Variants in CAPN12 observed in about 807,000 individuals in gnomAD.
The protein encoded by CAPN12 is calpain-12.
CAPN12 carries 107 observed loss-of-function variants against 95.0 expected under a neutral mutation model. The ratio of observed to expected loss-of-function variants is 1.13; its 90% CI spans 0.96 to 1.32. The LOEUF is 1.32. Ranked by LOEUF, CAPN12 falls within the 40% of genes most tolerant of loss-of-function variation. CAPN12 has a pLI of 0.00. For synonymous variants in CAPN12, 505 were observed against 415.5 expected, an observed-to-expected ratio of 1.22 and a Z score of -2.62; for missense variants, 1,136 against 997.8, an observed-to-expected ratio of 1.14 and a Z score of -1.87.
rs368072860 is a variant in CAPN12, at chr19:38,731,095, G to C, written c.2074+12C>G. ...TTCCCCCCATGCCCCACCATGCCGGGGTGGTACTCACAGAAGATGCAGGTG... is the reference window on the plus strand; with the variant it reads ...TTCCCCCCATGCCCCACCATGCCGGCGTGGTACTCACAGAAGATGCAGGTG... On this transcript the variant is annotated intron_variant, in intron 19 of 20. Coordinates refer to ENST00000328867, the MANE Select transcript of CAPN12 (RefSeq NM_144691.4). The C allele has an allele frequency of 6.2e-7, 1 of 1,606,524 alleles. No individual in the cohort carries two copies. Among genetic ancestry groups the C allele is most frequent in the Middle Eastern group, 1.7e-4 (1 of 5,920 alleles).
chr19:38,743,521 C>T lies in CAPN12; in HGVS notation c.237+408G>A. ...GACCCAAGAATCCAGGTCCCCAGCC[C>T]CTCCTCCCTCAGACCCAGGAGTCCA... is the stretch of plus-strand genomic sequence containing the variant. On this transcript the variant is annotated intron_variant, in intron 1 of 20. Coordinates refer to ENST00000328867, the MANE Select transcript of CAPN12 (RefSeq NM_144691.4). 1.4e-4 allele frequency among the ~76,000 whole-genome samples: 18 copies of T among 127,384 alleles called. 1 individual carries two copies. The highest frequency in any genetic ancestry group is 5.4e-4 in the South Asian group (2 of 3,710). The allele number at this position is 127,384 out of a possible 152,430, so 83.6% of individuals were successfully genotyped here. A position where few individuals can be genotyped will look rare whatever the true frequency, so the allele number is the denominator to read the frequency against.
In CAPN12 at chr19:38,735,403, C is replaced by A. The variant is rs1207634425; in HGVS notation, c.1653G>T (p.Gly551=). ...CCAGCTCCTGAAACAGCTGCTCCAA[C>A]CCCAGCTCCAGGGGCAGGTAGGGGC... The part of the protein sequence containing the change: ...LQGPYLPLEL[G]LEQLFQELAG... The change falls in exon 14 of 21, where the codon GGG becomes GGT. Residue 551 remains glycine, a synonymous_variant. Coordinates refer to ENST00000328867, the MANE Select transcript of CAPN12 (RefSeq NM_144691.4). 6.2e-7 allele frequency: 1 copy of A among 1,608,440 alleles called. No homozygotes were observed.
chr19:38,741,645 T>C (rs973118769), intron 4 of CAPN12, 132 bp downstream of exon 4: 31 of 1,090,412 alleles, frequency 2.8e-5, no homozygotes, highest in Non-Finnish European at 3.8e-5. Flanking sequence ...GTTCTGGCGG[T>C]TGTCACTTGG....
At chr19:38,736,349 G>A in intron 11 of CAPN12, 31 bp from the exon 12 acceptor site, 1 of 1,461,996 alleles carries the variant, frequency 6.8e-7, no homozygotes, top group Non-Finnish European at 9.1e-7. Flanking sequence ...CCACGGACCA[G>A]GCTCACCCCC....
In CAPN12 at chr19:38,744,360, C is replaced by T. The variant is rs1386302212; in HGVS notation, c.-195G>A. 4.9e-6 allele frequency: 3 copies of T among 615,226 alleles called. No homozygotes were observed. The highest frequency in any genetic ancestry group is 8.6e-6 in the Non-Finnish European group (3 of 350,762). The allele number at this position is 615,226 out of a possible 1,614,324, so 38.1% of individuals were successfully genotyped here. Reference sequence around the variant, plus strand: ...TAGCTTTCTTCCCAGGGCGTGGGGCCTTCAGTTGTGGCCAAGGTAGCAGCT... The same window carrying T: ...TAGCTTTCTTCCCAGGGCGTGGGGCTTTCAGTTGTGGCCAAGGTAGCAGCT... On this transcript the variant is annotated 5_prime_UTR_variant, in exon 1 of 21. Transcript: ENST00000328867.
chr19:38,734,524 G>C, intron 15 of CAPN12, 135 bp from the exon 16 acceptor site: 1 of 775,494 alleles, frequency 1.3e-6, no homozygotes. Context: ...CAGGGAGCCA[G>C]TGACTGCTGC....
rs769333210 is a variant in CAPN12 at position 38,731,176 on chromosome 19, G to C, written c.2005C>G (p.Arg669Gly). 7 of 1,612,972 alleles carry C rather than the reference G, an allele frequency of 4.3e-6. No individual in the cohort carries two copies. In the Admixed American group the frequency reaches 1.2e-4, roughly 27 times the overall value. Residue 669 changes from arginine to glycine, a missense_variant, in exon 19 of 21, where the codon CGG becomes GGG. Physicochemically the swap from Arg to Gly is moderately radical, Grantham distance 125. Transcript: ENST00000328867. ...QLTQTLTSRYRDSRLRVDFER... is the reference protein window; with the variant it reads ...QLTQTLTSRYGDSRLRVDFER... The stretch of plus-strand genomic sequence containing the variant: ...AAGTCCACACGCAGACGGCTATCCC[G>C]GTAGCGGCTGGTGAGGGTCTGGGTC...
rs751029162 is a variant in CAPN12 at position 38,737,370 on chromosome 19, G to C, written c.1148C>G (p.Pro383Arg). ...CTCCAGCAGCGTTAAACGGAACTGA[G>C]GATTGGTCCAGAAGGTTTCTAAGGG... The part of the protein sequence containing the change: ...QPNAETFWTN[P>R]QFRLTLLEPD... The change falls in exon 10 of 21, where the codon CCT (proline) becomes CGT (arginine). Residue 383 changes from proline to arginine, a missense_variant. Pro to Arg is a moderately radical substitution (Grantham distance 103). Coordinates refer to ENST00000328867, the MANE Select transcript of CAPN12 (RefSeq NM_144691.4). 4.3e-6 allele frequency: 7 copies of C among 1,610,118 alleles called. No homozygotes were observed. In the Admixed American group the frequency reaches 8.4e-5, roughly 19 times the overall value.
At position 38,744,047 on chromosome 19, in the gene CAPN12, A is replaced by G. The variant is rs1162442645; in HGVS notation, c.119T>C (p.Leu40Pro). 4 of 1,614,112 alleles carry G rather than the reference A, an allele frequency of 2.5e-6. No individual in the cohort carries two copies. The Admixed American group carries it at 5.0e-5, about 20-fold the overall frequency. The change falls in exon 1 of 21, where the codon CTG (leucine) becomes CCG (proline). Residue 40 changes from leucine to proline, a missense_variant. Leu to Pro is a moderately conservative substitution (Grantham distance 98). Coordinates refer to ENST00000328867, the MANE Select transcript of CAPN12 (RefSeq NM_144691.4). Reference protein sequence around the residue: ...QSYEAIRAACLDSGILFRDPY... With the variant: ...QSYEAIRAACPDSGILFRDPY... ...GTCGCGGAACAGGATCCCCGAATCC[A>G]GGCAGGCTGCCCGAATTGCCTCATA...
chr19:38,732,762 A>C (rs4802770), intron 18 of CAPN12, among the ~76,000 whole-genome samples: 45,394 of 152,032 alleles, frequency 0.3, 7,129 homozygotes, highest in Middle Eastern at 0.48. Flanking sequence ...CTGTGGCTCC[A>C]TCTGCTGTGT....
Position 38,744,327 on chromosome 19 carries a change from C to T in CAPN12, c.-162G>A. 1.5e-6 allele frequency: 1 copy of T among 686,816 alleles called. No homozygotes were observed. The highest frequency in any genetic ancestry group is 1.8e-5 in the South Asian group (1 of 55,208). 42.5% of individuals were successfully genotyped at this position (686,816 alleles called of 1,614,324 possible). On this transcript the variant is annotated 5_prime_UTR_variant, in exon 1 of 21. Coordinates refer to ENST00000328867, the MANE Select transcript of CAPN12 (RefSeq NM_144691.4). ...TTGGGGTGCTGGGGAGCAGGGACGC[C>T]TCTTCAGTAGCTTTCTTCCCAGGGC...
At position 38,737,642 on chromosome 19, in the gene CAPN12, C is replaced by T. The variant is rs915084197; in HGVS notation, c.966-4G>A. The T allele has an allele frequency of 1.3e-6, 2 of 1,582,154 alleles. No homozygotes were observed. Among genetic ancestry groups the T allele is most frequent in the Non-Finnish European group, 1.7e-6 (2 of 1,162,634 alleles). ...GAGGAAGTCCCGCAGCTCCATCCTG[C>T]ACGGTGGCCCAGTCAGACCCTGCCC... On this transcript the variant is annotated splice_polypyrimidine_tract_variant and splice_region_variant and intron_variant, in intron 8 of 20. Transcript: ENST00000328867.
At chr19:38,737,090 C>CT in intron 10 of CAPN12, 66 bp downstream of exon 10, 1 of 1,308,978 alleles carries the variant, frequency 7.6e-7, no homozygotes, top group Non-Finnish European at 1.1e-6. Flanking sequence ...TCCCCCGCTC[C>CT]TTGGCCCGGC....
chr19:38,732,706 C>T (rs1034083318), intron 18 of CAPN12, among the ~76,000 whole-genome samples: 1 of 152,216 alleles, frequency 6.6e-6, no homozygotes, highest in Non-Finnish European at 1.5e-5. Context: ...AAACCCTCTC[C>T]CTCTGGCTCT....
intron 18 of CAPN12, chr19:38,733,438 G>A (rs999449427): frequency 1.7e-5 from 8 of 466,304 alleles, no homozygotes; most frequent in Non-Finnish European, 2.7e-5. Context: ...CTTCCTGGAG[G>A]GGCCTCTCCC....
chr19:38,734,414 A>ACAG, intron 15 of CAPN12, 25 bp from the exon 16 acceptor site: 2 of 1,556,220 alleles, frequency 1.3e-6, no homozygotes, highest in Non-Finnish European at 1.7e-6. Context: ...AAGTCAAACC[A>ACAG]CAGCACTTCC....
At position 38,735,498 on chromosome 19, in the gene CAPN12, C is replaced by T. The variant is rs1171041956; in HGVS notation, c.1626+4G>A. 2.5e-6 allele frequency: 4 copies of T among 1,611,254 alleles called. No homozygotes were observed. Among genetic ancestry groups the T allele is most frequent in the African/African-American group, 1.3e-5 (1 of 74,682 alleles). ...CATGCCGCCCCTCCAGGAACAGTCC[C>T]CACCTGGAGAGACTGCAGGTCTGCG... On this transcript the variant is annotated splice_donor_region_variant and intron_variant, in intron 13 of 20. Coordinates refer to ENST00000328867, the MANE Select transcript of CAPN12 (RefSeq NM_144691.4).
intron 16 of CAPN12, 48 bp downstream of exon 16, chr19:38,734,271 G>C (rs752057669): frequency 1.2e-6 from 2 of 1,603,514 alleles, no homozygotes; most frequent in Non-Finnish European, 1.7e-6. Flanking sequence ...AGACCCCAAC[G>C]TCCCCTTCCC....
Position 38,736,322 on chromosome 19 carries a change from G to C in CAPN12, c.1375-4C>G. 1 of 1,446,584 alleles carries C rather than the reference G, an allele frequency of 6.9e-7. No individual in the cohort carries two copies. Among genetic ancestry groups the C allele is most frequent in the Admixed American group, 2.7e-5 (1 of 36,864 alleles). The allele number at this position is 1,446,584 out of a possible 1,614,324, so 89.6% of individuals were successfully genotyped here. A position where few individuals can be genotyped will look rare whatever the true frequency, so the allele number is the denominator to read the frequency against. On this transcript the variant is annotated splice_polypyrimidine_tract_variant and splice_region_variant and intron_variant, in intron 11 of 20. Coordinates refer to ENST00000328867, the MANE Select transcript of CAPN12 (RefSeq NM_144691.4). Reference sequence around the variant, plus strand: ...GGGAATCCCAGAGGCCCAGCAGCTGGGGACGGGGCGGCATGACCACGGACC... The same window carrying C: ...GGGAATCCCAGAGGCCCAGCAGCTGCGGACGGGGCGGCATGACCACGGACC...
Sources: allele counts gnomAD v4.1 joint callset (sites outside exome capture counted in the v4.1 genomes callset), GRCh38; gene constraint gnomAD v4.1.1; transcripts MANE v1.5; gene names NCBI Gene and HGNC (gene_info 2026-07-23, HGNC 2026-07-21).